RP1: variants seen among roughly 807,000 people sequenced by gnomAD.
RP1 encodes the protein oxygen-regulated protein 1.
A neutral mutation model predicts 14.8 loss-of-function variants in RP1; 16 were observed. The ratio of observed to expected loss-of-function variants is 1.08; its 90% CI spans 0.73 to 1.65. RP1 has a LOEUF of 1.65. Ranked by LOEUF, RP1 falls within the 40% of genes most tolerant of loss-of-function variation. The probability of loss-of-function intolerance (pLI) is 0.00; values close to 1 mark genes in which losing one functional copy is unlikely to be tolerated. For synonymous variants in RP1, 876 were observed against 883.6 expected (o/e 0.99, Z 0.15); for missense variants, 2,631 against 2,535.0 (o/e 1.04, Z -0.81).
chr8:54,630,908 G>A (rs932781661), downstream of RP1: 1 of 813,836 alleles, frequency 1.2e-6, no homozygotes, highest in Non-Finnish European at 1.5e-6. Flanking sequence ...ACAGGATTTA[G>A]TGTTTTTCTA....
In RP1 at chr8:54,769,878, C is replaced by T. The variant is rs992842412; in HGVS notation, c.*65C>T. 8.1e-6 allele frequency: 8 copies of T among 993,504 alleles called. No homozygotes were observed. The Admixed American group carries it at 1.2e-4, about 15-fold the overall frequency. The allele number at this position is 993,504 out of a possible 1,614,324, so 61.5% of individuals were successfully genotyped here. ...TCTGGACATCATGGAACACTATTCC[C>T]CAGTTTTCCTCAGAACATCCCCTTT... On this transcript the variant is annotated 3_prime_UTR_variant, in exon 23 of 23. Coordinates refer to the RP1 transcript ENST00000636932.
intron 27 of RP1, among the ~76,000 whole-genome samples, chr8:54,863,131 G>A (rs1812388378): frequency 6.9e-6 from 1 of 145,368 alleles, no homozygotes; most frequent in Admixed American, 7.1e-5. Flanking sequence ...CCACATATAT[G>A]ATGGTAGTCC....
chr8:54,695,499 C>T (rs1034684880), intron 12 of RP1, among the ~76,000 whole-genome samples: 2 of 151,236 alleles, frequency 1.3e-5, no homozygotes, highest in Non-Finnish European at 1.5e-5. Flanking sequence ...TAAGATAATA[C>T]CTTTATAGTT....
intron 15 of RP1, among the ~76,000 whole-genome samples, chr8:54,712,395 G>T (rs1236181291): frequency 2.6e-5 from 4 of 152,134 alleles, no homozygotes; most frequent in African/African-American, 7.2e-5. Flanking sequence ...ATCAGGCCTG[G>T]TCCAGAGCTG....
chr8:54,586,511 G>T (rs965995125), intron 1 of RP1, among the ~76,000 whole-genome samples: 1 of 152,200 alleles, frequency 6.6e-6, no homozygotes, highest in Non-Finnish European at 1.5e-5. Flanking sequence ...AGAACCACTA[G>T]TCTCTTCAAA....
At chr8:54,723,949 T>C (rs555224650) in intron 16 of RP1, among the ~76,000 whole-genome samples, 5 of 152,316 alleles carry the variant, frequency 3.3e-5, no homozygotes, top group Middle Eastern at 3.4e-3. Context: ...CCTCTGTATA[T>C]AAATCATGAG....
At chr8:54,831,664 T>A (rs1811533044) in intron 24 of RP1, among the ~76,000 whole-genome samples, 1 of 151,806 alleles carries the variant, frequency 6.6e-6, no homozygotes, top group African/African-American at 2.4e-5. Flanking sequence ...AACAGTCCAT[T>A]GATTTGCATA....
At chr8:54,752,295 G>T (rs1364332008) in intron 19 of RP1, among the ~76,000 whole-genome samples, 5 of 152,074 alleles carry the variant, frequency 3.3e-5, no homozygotes, top group African/African-American at 1.2e-4. Flanking sequence ...TTAATGAAAA[G>T]AAGTAAGAAA....
In RP1 at chr8:54,741,539, C is replaced by T. The variant is rs116403844; in HGVS notation, c.2808+2510C>T. 4.5e-3 allele frequency among the ~76,000 whole-genome samples: 682 copies of T among 151,614 alleles called. 5 individuals carry two copies. Among genetic ancestry groups the T allele is most frequent in the African/African-American group, 0.016 (644 of 41,304 alleles). On this transcript the variant is annotated intron_variant, in intron 19 of 22. Transcript: ENST00000636932. ...TAGCCTAGGTATGTAGTAGGCTATT[C>T]CATCTAGGTTTGTGTAAGTGCACTC... is the stretch of plus-strand genomic sequence containing the variant.
chr8:54,687,485 GGT>G (rs1807594221), intron 12 of RP1, among the ~76,000 whole-genome samples: 1 of 151,626 alleles, frequency 6.6e-6, no homozygotes, highest in African/African-American at 2.4e-5. Flanking sequence ...GACAGGCCCC[GGT>G]TTGTGATGTT....
chr8:54,823,992 T>C lies in RP1; in HGVS notation c.3616-13458T>C, dbSNP rs541888659. On this transcript the variant is annotated intron_variant, in intron 24 of 28. Coordinates refer to the RP1 transcript ENST00000637698. ...TATTTTAGCTATCCTAATAAAGTTG[T>C]GCAGTGATATCTCATTGTGGTCTTA... is the stretch of plus-strand genomic sequence containing the variant. Among the ~76,000 whole-genome samples the C allele has an allele frequency of 2.6e-5, 4 of 152,348 alleles. No individual in the cohort carries two copies. The East Asian group carries it at 5.8e-4, about 22-fold the overall frequency.
At chr8:54,670,974 G>C (rs2129332401) in intron 7 of RP1, among the ~76,000 whole-genome samples, 2 of 151,730 alleles carry the variant, frequency 1.3e-5, no homozygotes, top group East Asian at 3.9e-4. Context: ...TTGCTATCTA[G>C]TGTCCTTTTA....
At chr8:54,754,797 T>C in intron 19 of RP1, 1 of 1,495,172 alleles carries the variant, frequency 6.7e-7, no homozygotes, top group Non-Finnish European at 8.9e-7. Context: ...TTTCTTCTAA[T>C]TCCAGGTGAC....
downstream of RP1, among the ~76,000 whole-genome samples, chr8:54,772,731 A>T (rs148387614): frequency 7.0e-4 from 106 of 152,288 alleles, 1 homozygote; most frequent in Non-Finnish European, 1.2e-3. Context: ...AACTTCAGGG[A>T]TTGTACTGTT....
At chr8:54,802,377 C>T (rs942414850) in intron 24 of RP1, among the ~76,000 whole-genome samples, 1 of 152,142 alleles carries the variant, frequency 6.6e-6, no homozygotes, top group Non-Finnish European at 1.5e-5. Context: ...ACTGTTTAAT[C>T]ATGGCATTCA....
At chr8:54,692,953 C>G (rs1339250334) in intron 12 of RP1, among the ~76,000 whole-genome samples, 1 of 152,130 alleles carries the variant, frequency 6.6e-6, no homozygotes, top group South Asian at 2.1e-4. Context: ...GGTTTTAGGT[C>G]TAACATTTAC....
chr8:54,616,989 C>T (rs1197158985), intron 1 of RP1, among the ~76,000 whole-genome samples: 1 of 152,168 alleles, frequency 6.6e-6, no homozygotes, highest in Non-Finnish European at 1.5e-5. Flanking sequence ...GTTAAAAAAT[C>T]TGCTTAATAT....
intron 1 of RP1, among the ~76,000 whole-genome samples, chr8:54,585,322 G>A (rs562988855): frequency 1.3e-5 from 2 of 152,166 alleles, no homozygotes; most frequent in African/African-American, 2.4e-5. Context: ...TTGAATATTG[G>A]CCTCCTGTCT....
At chr8:54,661,459 A>G (rs945631640) in intron 6 of RP1, among the ~76,000 whole-genome samples, 2 of 151,546 alleles carry the variant, frequency 1.3e-5, no homozygotes, top group African/African-American at 4.8e-5. Flanking sequence ...AGCCTGAGTG[A>G]CAGAACCAGA....
Sources: gnomAD v4.1 joint callset for allele counts (sites outside exome capture counted in the v4.1 genomes callset) on GRCh38, gnomAD v4.1.1 for gene constraint, MANE v1.5 for transcripts, NCBI Gene and HGNC (gene_info 2026-07-23, HGNC 2026-07-21) for gene names.